The following FARP1 variants were observed in gnomAD, a reference collection of about 807,000 sequenced individuals.
FARP1 encodes the protein FERM, ARHGEF and pleckstrin domain-containing protein 1.
Under a neutral mutation model 128.8 loss-of-function variants are expected in FARP1, and 52 were observed. The ratio of observed to expected loss-of-function variants is 0.40; its 90% CI spans 0.32 to 0.51. The LOEUF (loss-of-function observed/expected upper bound fraction) is 0.51. Among genes scored for constraint, FARP1 ranks in the 20% least tolerant of loss-of-function variants. The pLI, the probability that FARP1 is intolerant of heterozygous loss-of-function variation, is 0.45. For missense variants in FARP1, 1,333 were observed against 1,367.9 expected (o/e 0.97, Z 0.40); for synonymous variants, 580 against 551.8 (o/e 1.05, Z -0.72).
intron 1 of FARP1, among the ~76,000 whole-genome samples, chr13:98,207,958 ACACACACACACT>A (rs1387791268): frequency 5.5e-5 from 8 of 145,430 alleles, no homozygotes; most frequent in Non-Finnish European, 9.1e-5. Flanking sequence ...ACACACACAC[ACACACACACACT>A]TTGATTCATT....
At position 98,255,237 on chromosome 13, in the gene FARP1, C is replaced by T. The variant is rs139843371; in HGVS notation, c.171+41824C>T. Among the ~76,000 whole-genome samples the T allele has an allele frequency of 8.0e-4, 122 of 152,188 alleles. 4 individuals are homozygous for T. The East Asian group carries it at 0.023, about 29-fold the overall frequency. Reference sequence around the variant, plus strand: ...TGCTGTGGCCGGGCACGGTGGCTCACGCCTGTAATCCCAGCACTTTGGGAG... The same window carrying T: ...TGCTGTGGCCGGGCACGGTGGCTCATGCCTGTAATCCCAGCACTTTGGGAG... On this transcript the variant is annotated intron_variant, in intron 2 of 26. Coordinates refer to ENST00000319562, the MANE Select transcript of FARP1 (RefSeq NM_005766.4).
At position 98,440,728 on chromosome 13, in the gene FARP1, G is replaced by C; in HGVS notation, c.2688G>C (p.Ser896=). ...DQESEDDLSA[S]RTSLERQAPH... ...AGTCAGAGGATGACCTGAGCGCCTC[G>C]CGCACATCGCTGGAGCGCCAGGCCC... is the stretch of plus-strand genomic sequence containing the variant. Residue 896 remains serine, a synonymous_variant, in exon 24 of 27, where the codon TCG becomes TCC. Coordinates refer to ENST00000319562, the MANE Select transcript of FARP1 (RefSeq NM_005766.4). The C allele has an allele frequency of 6.2e-7, 1 of 1,613,490 alleles. No homozygotes were observed. Among genetic ancestry groups the C allele is most frequent in the Non-Finnish European group, 8.5e-7 (1 of 1,179,998 alleles).
At chr13:98,253,787 A>T (rs1362922063) in intron 2 of FARP1, among the ~76,000 whole-genome samples, 2 of 152,142 alleles carry the variant, frequency 1.3e-5, no homozygotes, top group Non-Finnish European at 2.9e-5. Flanking sequence ...CAAACATTTC[A>T]TGGAAACTGG....
At chr13:98,348,086 T>C (rs1888253807) in intron 3 of FARP1, among the ~76,000 whole-genome samples, 2 of 152,234 alleles carry the variant, frequency 1.3e-5, no homozygotes, top group African/African-American at 4.8e-5. Context: ...TTTTTCATAG[T>C]CTAAGACGTG....
intron 2 of FARP1, among the ~76,000 whole-genome samples, chr13:98,239,432 G>A (rs1226709695): frequency 6.6e-6 from 1 of 152,184 alleles, no homozygotes; most frequent in Non-Finnish European, 1.5e-5. Flanking sequence ...GATCAGCAGT[G>A]CGTTGACAAA....
At chr13:98,435,952 C>T (rs1181999871) in intron 19 of FARP1, 2 of 567,064 alleles carry the variant, frequency 3.5e-6, no homozygotes, top group Non-Finnish European at 3.4e-6. Context: ...CGCTTCTTTA[C>T]CTTTTCCCCT....
At chr13:98,422,061 A>G (rs545791110) in intron 16 of FARP1, among the ~76,000 whole-genome samples, 2 of 152,278 alleles carry the variant, frequency 1.3e-5, no homozygotes, top group African/African-American at 4.8e-5. Flanking sequence ...GAGGGCTTGT[A>G]TAGGAAGAAG....
At chr13:98,409,715 TATCTTC>T (rs1891118994) in intron 14 of FARP1, among the ~76,000 whole-genome samples, 190 bp downstream of exon 14, 1 of 152,208 alleles carries the variant, frequency 6.6e-6, no homozygotes, top group African/African-American at 2.4e-5. Context: ...CTCCAGAACT[TATCTTC>T]CCAAACAGAA....
intron 13 of FARP1, chr13:98,395,714 A>G: frequency 6.7e-6 from 3 of 447,028 alleles, no homozygotes; most frequent in Non-Finnish European, 1.2e-5. Context: ...CACTCTGCGA[A>G]GTCCTCCCGG....
At position 98,176,012 on chromosome 13, in the gene FARP1, G is replaced by A; in HGVS notation, c.-24+32520G>A. 1 of 718,112 alleles carries A rather than the reference G, an allele frequency of 1.4e-6. No homozygotes were observed. The highest frequency in any genetic ancestry group is 1.8e-5 in the African/African-American group (1 of 56,132). 44.5% of individuals were successfully genotyped at this position (718,112 alleles called of 1,614,324 possible). On this transcript the variant is annotated intron_variant, in intron 1 of 26. Transcript: ENST00000319562. The surrounding 1 kb of genome is among the most constrained non-coding windows in gnomAD (Gnocchi z 6.2). The stretch of plus-strand genomic sequence containing the variant: ...CTTGGCTTTTGCAAATAATTCTGCA[G>A]TGAACATGGGAGTGCACATACCTCT...
intron 2 of FARP1, among the ~76,000 whole-genome samples, chr13:98,236,083 C>T (rs1220175053): frequency 5.3e-5 from 8 of 152,110 alleles, no homozygotes; most frequent in African/African-American, 1.2e-4. Context: ...CTCGGCCTTC[C>T]GAAACTCATA....
intron 1 of FARP1, among the ~76,000 whole-genome samples, chr13:98,180,009 C>T (rs549080788): frequency 1.3e-5 from 2 of 152,186 alleles, no homozygotes; most frequent in South Asian, 2.1e-4. Flanking sequence ...CTGCTTCTGC[C>T]GGGCTAGGGA....
chr13:98,143,310 C>T lies in FARP1; in HGVS notation c.-206C>T, dbSNP rs1875202074. 6.7e-6 allele frequency: 1 copy of T among 149,608 alleles called. No individual in the cohort carries two copies. Among genetic ancestry groups the T allele is most frequent in the East Asian group, 2.0e-4 (1 of 5,126 alleles). The allele number at this position is 149,608 out of a possible 1,614,324, so 9.3% of individuals were successfully genotyped here. A position where few individuals can be genotyped will look rare whatever the true frequency, so the allele number is the denominator to read the frequency against. On this transcript the variant is annotated 5_prime_UTR_variant, in exon 1 of 27. Transcript: ENST00000319562. Reference sequence around the variant, plus strand: ...GCTCCGCCCTCCCCTCCGCCCCGCGCCACCTTTGATGGCTCGGACCTCAGC... The same window carrying T: ...GCTCCGCCCTCCCCTCCGCCCCGCGTCACCTTTGATGGCTCGGACCTCAGC...
At chr13:98,314,274 CTTTTTTTT>C (rs140938723) in intron 2 of FARP1, among the ~76,000 whole-genome samples, 2 of 60,038 alleles carry the variant, frequency 3.3e-5, no homozygotes, top group African/African-American at 6.7e-5. Context: ...TATTTTATGT[CTTTTTTTT>C]TTTTTTTTTT....
intron 2 of FARP1, among the ~76,000 whole-genome samples, chr13:98,255,914 G>T (rs1029021480): frequency 1.3e-5 from 2 of 152,192 alleles, no homozygotes; most frequent in Non-Finnish European, 2.9e-5. Context: ...CATTGTGTGC[G>T]CAGTCAGCCT....
chr13:98,249,660 G>A (rs1488968108), intron 2 of FARP1, among the ~76,000 whole-genome samples: 1 of 152,090 alleles, frequency 6.6e-6, no homozygotes, highest in African/African-American at 2.4e-5. Flanking sequence ...TGTCACTCAG[G>A]CCTATGTCTC....
intron 7 of FARP1, 119 bp from the exon 8 acceptor site, chr13:98,385,548 G>A: frequency 9.3e-7 from 1 of 1,080,860 alleles, no homozygotes; most frequent in Non-Finnish European, 1.4e-6. Flanking sequence ...TGATCGGGTA[G>A]CCCCAGTGTT....
chr13:98,287,056 A>G (rs1383177157), intron 2 of FARP1, among the ~76,000 whole-genome samples: 1 of 152,196 alleles, frequency 6.6e-6, no homozygotes, highest in Non-Finnish European at 1.5e-5. Flanking sequence ...CAATAAAACA[A>G]AACAGAAACC....
chr13:98,168,809 T>C (rs1877456031), intron 1 of FARP1, among the ~76,000 whole-genome samples: 1 of 152,316 alleles, frequency 6.6e-6, no homozygotes, highest in Middle Eastern at 3.4e-3. Context: ...GATCTTGAGC[T>C]GAGAGGCTGT....
Sources: gnomAD v4.1 joint callset for allele counts (sites outside exome capture counted in the v4.1 genomes callset) on GRCh38, gnomAD v4.1.1 for gene constraint, Gnocchi (gnomAD v3.1) non-coding constraint, MANE v1.5 for transcripts, NCBI Gene and HGNC (gene_info 2026-07-23, HGNC 2026-07-21) for gene names.